The following H2BC12 variants were observed in gnomAD, a reference collection of about 807,000 sequenced individuals.
H2BC12 encodes histone H2B type 1-K.
In H2BC12, 6 loss-of-function variants were observed where a neutral mutation model predicts 6.3. The ratio of observed to expected loss-of-function variants is 0.95; its 90% CI spans 0.52 to 1.87. The LOEUF is 1.87. Among genes scored for constraint, H2BC12 ranks in the 40% most tolerant of loss-of-function variants. The probability of loss-of-function intolerance (pLI) is 0.01; values close to 1 mark genes in which losing one functional copy is unlikely to be tolerated. For synonymous variants in H2BC12, 132 were observed against 78.5 expected (o/e 1.68, Z -3.60); for missense variants, 119 against 178.4 (o/e 0.67, Z 1.90).
downstream of H2BC12, among the ~76,000 whole-genome samples, chr6:27,145,295 TACACACACACACACACACAC>T (rs57882884): frequency 5.0e-3 from 714 of 142,720 alleles, 3 homozygotes; most frequent in African/African-American, 0.015. Context: ...ATATGTTAAA[TACACACACACACACACACAC>T]ACACACACAC....
rs776782828 is a variant in H2BC12 at position 27,146,523 on chromosome 6, G to A, written c.276C>T (p.Ser92=). The part of the protein sequence containing the change: ...AHYNKRSTIT[S]REIQTAVRLL... ...GGCGCACGGCCGTCTGGATCTCCCT[G>A]GAGGTGATGGTCGAGCGCTTGTTGT... The change falls in exon 1 of 1, where the codon TCC becomes TCT. Residue 92 remains serine (S), a synonymous_variant. Transcript: ENST00000356950. 6.2e-6 allele frequency: 10 copies of A among 1,614,148 alleles called. No individual in the cohort carries two copies. In the Admixed American group the frequency reaches 1.2e-4, roughly 19 times the overall value.
At chr6:27,139,689 A>G in the H2BC12 span, 1 of 1,519,166 alleles carries the variant, frequency 6.6e-7, no homozygotes, top group East Asian at 2.3e-5. Flanking sequence ...TCAACAAAAG[A>G]GTTGAAATGA....
chr6:27,143,560 C>T (rs1184374042), downstream of H2BC12, among the ~76,000 whole-genome samples: 1 of 150,962 alleles, frequency 6.6e-6, no homozygotes, highest in East Asian at 1.9e-4. Flanking sequence ...GGTAGAAAGC[C>T]ATGCCATTTT....
At position 27,146,578 on chromosome 6, in the gene H2BC12, A is replaced by C. The variant is rs1760087594; in HGVS notation, c.221T>G (p.Ile74Ser). Residue 74 changes from isoleucine to serine, a missense_variant, in exon 1 of 1, where the codon ATC becomes AGC. This residue lies in a region of H2BC12 where 69 missense variants were observed against 141.0 expected (regional missense o/e 0.49). Transcript: ENST00000356950. ...CGCCAGGCGGGAAGCCTCACCCGCG[A>C]TGCGTTCGAAGATGTCGTTGACGAA... ...NSFVNDIFER[I>S]AGEASRLAHY... 6.2e-7 allele frequency: 1 copy of C among 1,614,098 alleles called. No homozygotes were observed. Among genetic ancestry groups the C allele is most frequent in the African/African-American group, 1.3e-5 (1 of 74,940 alleles).
chr6:27,144,870 C>T (rs1760051329), downstream of H2BC12, among the ~76,000 whole-genome samples: 1 of 152,114 alleles, frequency 6.6e-6, no homozygotes, highest in South Asian at 2.1e-4. Flanking sequence ...GATCTAGGCT[C>T]ACTGCAACCT....
In H2BC12 at chr6:27,146,662, A is replaced by G; in HGVS notation, c.137T>C (p.Leu46Pro). ...GCCGGTGTCGGGGTGGACCTGCTTCAGCACCTTGTACACGTATACGGAGTA... is the reference window on the plus strand; with the variant it reads ...GCCGGTGTCGGGGTGGACCTGCTTCGGCACCTTGTACACGTATACGGAGTA... ...ESYSVYVYKV[L>P]KQVHPDTGIS... is the part of the protein sequence containing the mutation. Residue 46 changes from leucine to proline, a missense_variant, in exon 1 of 1, where the codon CTG becomes CCG. Physicochemically the swap from Leu to Pro is moderately conservative, Grantham distance 98. Coordinates refer to ENST00000356950, the MANE Select transcript of H2BC12 (RefSeq NM_001312653.2). The G allele has an allele frequency of 6.2e-7, 1 of 1,614,268 alleles. No individual in the cohort carries two copies. Among genetic ancestry groups the G allele is most frequent in the Non-Finnish European group, 8.5e-7 (1 of 1,180,054 alleles).
chr6:27,142,336 G>A (rs1265664110), downstream of H2BC12, among the ~76,000 whole-genome samples: 1 of 151,150 alleles, frequency 6.6e-6, no homozygotes, highest in African/African-American at 2.4e-5. Flanking sequence ...ACAATGGTGT[G>A]ATCTCGGCTC....
chr6:27,138,626 T>G, the H2BC12 span: 49 of 152,358 alleles, frequency 3.2e-4, no homozygotes, highest in African/African-American at 1.2e-3. Context: ...CAATTGTGCT[T>G]CTTTTGATAA....
At chr6:27,138,321 G>A in the H2BC12 span, among the ~76,000 whole-genome samples, 1 of 152,194 alleles carries the variant, frequency 6.6e-6, no homozygotes, top group Admixed American at 6.5e-5. Context: ...AATTTATTAA[G>A]GTACAGGGCT....
chr6:27,146,026 C>T (rs1760072068), downstream of H2BC12, among the ~76,000 whole-genome samples: 1 of 152,164 alleles, frequency 6.6e-6, no homozygotes, highest in African/African-American at 2.4e-5. Context: ...GTTAGAACGC[C>T]ATTACATGGT....
At position 27,146,788 on chromosome 6, in the gene H2BC12, G is replaced by A. The variant is rs775828041; in HGVS notation, c.11C>T (p.Pro4Leu). 19 of 1,613,984 alleles carry A rather than the reference G, an allele frequency of 1.2e-5. No homozygotes were observed. The East Asian group carries it at 1.6e-4, about 13-fold the overall frequency. MPE[P>L]AKSAPAPKKG... is the part of the protein sequence containing the mutation. The stretch of plus-strand genomic sequence containing the variant: ...CTTGGGCGCGGGAGCGGACTTCGCT[G>A]GTTCCGGCATGTTGAAGGCGAACTA... The change falls in exon 1 of 1, where the codon CCA becomes CTA. Residue 4 changes from proline to leucine, a missense_variant. Transcript: ENST00000356950.
chr6:27,143,870 T>A (rs76329937), downstream of H2BC12, among the ~76,000 whole-genome samples: 144 of 134,956 alleles, frequency 1.1e-3, no homozygotes, highest in South Asian at 5.8e-3. Context: ...AAAAAAAAAA[T>A]TTATGAGACA....
At chr6:27,142,635 CCT>C (rs1760020388), downstream of H2BC12, among the ~76,000 whole-genome samples, 1 of 100,080 alleles carries the variant, frequency 1.0e-5, no homozygotes, top group Non-Finnish European at 1.9e-5. Context: ...TTCCCCCCCT[CCT>C]TTTTTTTTTT....
the H2BC12 span, chr6:27,139,340 T>C: frequency 1.9e-6 from 3 of 1,613,372 alleles, no homozygotes; most frequent in South Asian, 1.1e-5. Context: ...GGTAAGGGCC[T>C]GGGGAAAGGG....
At chr6:27,142,636 C>CTTTTT (rs759784250), downstream of H2BC12, among the ~76,000 whole-genome samples, 499 of 100,252 alleles carry the variant, frequency 5.0e-3, 24 homozygotes, top group African/African-American at 0.015. Context: ...TCCCCCCCTC[C>CTTTTT]TTTTTTTTTT....
At chr6:27,140,518 AT>A in the H2BC12 span, among the ~76,000 whole-genome samples, 1 of 146,102 alleles carries the variant, frequency 6.8e-6, no homozygotes, top group African/African-American at 2.7e-5. Context: ...TTCTCTGTTG[AT>A]TTTTTTTCCT....
chr6:27,146,266 T>A (rs1760078120), downstream of H2BC12: 23 of 1,291,752 alleles, frequency 1.8e-5, 1 homozygote, highest in African/African-American at 1.2e-4. Context: ...CATGCATTAC[T>A]CAGTGTGATA....
rs768897841 is a variant in H2BC12 at position 27,146,831 on chromosome 6, G to C, written c.-33C>G. The C allele has an allele frequency of 6.2e-6, 10 of 1,605,454 alleles. No individual in the cohort carries two copies. The highest frequency in any genetic ancestry group is 7.7e-6 in the Non-Finnish European group (9 of 1,176,154). On this transcript the variant is annotated 5_prime_UTR_variant, in exon 1 of 1. Coordinates refer to ENST00000356950, the MANE Select transcript of H2BC12 (RefSeq NM_001312653.2). ...GCGAACTACGAGCCTGAGACGAGCA[G>C]CAGATCGAGAAAACGGGAAGTAATG...
At chr6:27,140,266 CAGT>C in the H2BC12 span, among the ~76,000 whole-genome samples, 1 of 152,228 alleles carries the variant, frequency 6.6e-6, no homozygotes, top group African/African-American at 2.4e-5. Context: ...GTCCCTTTCT[CAGT>C]AGCACAGCCC....
Sources: allele counts gnomAD v4.1 joint callset (sites outside exome capture counted in the v4.1 genomes callset), GRCh38; gene constraint gnomAD v4.1.1; regional missense constraint gnomAD v4.1.1; transcripts MANE v1.5; gene names NCBI Gene and HGNC (gene_info 2026-07-23, HGNC 2026-07-21).